NACC2: variants seen among roughly 807,000 people sequenced by gnomAD.
The protein encoded by NACC2 is nucleus accumbens-associated protein 2.
In NACC2, 8 loss-of-function variants were observed where a neutral mutation model predicts 25.1. The ratio of observed to expected loss-of-function variants is 0.32; its 90% CI spans 0.19 to 0.57. The LOEUF (loss-of-function observed/expected upper bound fraction) is 0.57. Among genes scored for constraint, NACC2 ranks in the 20% least tolerant of loss-of-function variants. NACC2 has a pLI of 0.89. For missense variants in NACC2, 644 were observed against 650.2 expected (o/e 0.99, Z 0.10); for synonymous variants, 435 against 294.7 (o/e 1.48, Z -4.88).
chr9:136,061,401 G>C (rs1229374464), intron 1 of NACC2, among the ~76,000 whole-genome samples: 1 of 152,146 alleles, frequency 6.6e-6, no homozygotes, highest in African/African-American at 2.4e-5. Flanking sequence ...TCCAGGCCCA[G>C]ATGCTGGAGG....
At chr9:136,044,116 C>T (rs1443456057) in intron 2 of NACC2, among the ~76,000 whole-genome samples, 13 of 152,098 alleles carry the variant, frequency 8.5e-5, no homozygotes, top group East Asian at 1.9e-4. Context: ...TGAGCCACCA[C>T]GCCTGGCCAA....
chr9:136,089,299 G>A (rs980354171), intron 1 of NACC2, among the ~76,000 whole-genome samples: 4 of 152,104 alleles, frequency 2.6e-5, no homozygotes, highest in African/African-American at 9.7e-5. Flanking sequence ...CACGGGCCAC[G>A]TCTTCCTGAG....
At chr9:136,060,333 C>G (rs1028537543) in intron 1 of NACC2, among the ~76,000 whole-genome samples, 3 of 152,218 alleles carry the variant, frequency 2.0e-5, no homozygotes, top group Non-Finnish European at 4.4e-5. Flanking sequence ...ACGGGGAGGC[C>G]CTGGAGCCGG....
At chr9:136,065,409 C>T (rs1841068224) in intron 1 of NACC2, among the ~76,000 whole-genome samples, 2 of 152,174 alleles carry the variant, frequency 1.3e-5, no homozygotes, top group African/African-American at 2.4e-5. Context: ...CACTTGAGGT[C>T]AGAAGTTCAA....
At chr9:136,057,698 C>T (rs1840945523) in intron 1 of NACC2, among the ~76,000 whole-genome samples, 1 of 152,304 alleles carries the variant, frequency 6.6e-6, no homozygotes, top group Non-Finnish European at 1.5e-5. Flanking sequence ...CCGGCTCGGC[C>T]GGGTGGAAGC....
intron 1 of NACC2, among the ~76,000 whole-genome samples, chr9:136,051,910 A>AGGAGAT (rs1461178311): frequency 1.9e-5 from 2 of 103,064 alleles, no homozygotes; most frequent in African/African-American, 7.7e-5. Flanking sequence ...GAGGAGGAGG[A>AGGAGAT]GATGGTGGAG....
chr9:136,046,950 G>A (rs968921785), intron 2 of NACC2, among the ~76,000 whole-genome samples: 4 of 152,174 alleles, frequency 2.6e-5, no homozygotes, highest in African/African-American at 9.7e-5. Context: ...TTCTTAACGC[G>A]AGAGAGGGTG....
intron 5 of NACC2, among the ~76,000 whole-genome samples, chr9:136,012,772 C>A (rs1840131850): frequency 6.6e-6 from 1 of 151,436 alleles, no homozygotes; most frequent in Non-Finnish European, 1.5e-5. Flanking sequence ...CAGTCAGCAT[C>A]TTCCACATCT....
intron 1 of NACC2, among the ~76,000 whole-genome samples, chr9:136,093,429 T>C (rs1355079340): frequency 6.6e-6 from 1 of 152,174 alleles, no homozygotes; most frequent in African/African-American, 2.4e-5. Flanking sequence ...TCTCGCAGCC[T>C]GTAGCAGCCC....
intron 1 of NACC2, among the ~76,000 whole-genome samples, chr9:136,058,163 G>A (rs941257470): frequency 2.0e-5 from 3 of 152,248 alleles, no homozygotes; most frequent in African/African-American, 7.2e-5. Flanking sequence ...TGGCAAGGGG[G>A]CTGCTGGCAC....
intron 2 of NACC2, among the ~76,000 whole-genome samples, chr9:136,028,908 C>G (rs1190602609): frequency 6.6e-6 from 1 of 152,234 alleles, no homozygotes; most frequent in Non-Finnish European, 1.5e-5. Flanking sequence ...TGCTGACATG[C>G]CAGGCCCCTG....
chr9:136,058,978 GC>G (rs374882109), intron 1 of NACC2, among the ~76,000 whole-genome samples: 1,904 of 152,342 alleles, frequency 0.012, 21 homozygotes, highest in Non-Finnish European at 0.019. Flanking sequence ...CGTGACTCTG[GC>G]CCCTGGGCCC....
chr9:136,089,957 T>C (rs1436831920), intron 1 of NACC2, among the ~76,000 whole-genome samples: 1 of 151,090 alleles, frequency 6.6e-6, no homozygotes, highest in African/African-American at 2.4e-5. Context: ...ATCTTTTTAA[T>C]CTTCTCTCAC....
chr9:136,062,721 C>A (rs1385611222), intron 1 of NACC2, among the ~76,000 whole-genome samples: 1 of 152,146 alleles, frequency 6.6e-6, no homozygotes, highest in Non-Finnish European at 1.5e-5. Context: ...TCAAGACTAG[C>A]CTGGGCAACA....
At position 136,019,280 on chromosome 9, in the gene NACC2, G is replaced by C. The variant is rs1282965047; in HGVS notation, c.887-2851C>G. 6.6e-6 allele frequency: 1 copy of C among 152,264 alleles called. No individual in the cohort carries two copies. Among genetic ancestry groups the C allele is most frequent in the African/African-American group, 2.4e-5 (1 of 41,472 alleles). The allele number at this position is 152,264 out of a possible 1,614,324, so 9.4% of individuals were successfully genotyped here. ...GACGGCTCATCCCTCGTGGCCCCCG[G>C]AAGGGCCATTCAGAGGCCCCGTGAG... On this transcript the variant is annotated intron_variant, in intron 2 of 5. Transcript: ENST00000277554. This position sits in a 1 kb window ranked among gnomAD's most constrained non-coding sequence, Gnocchi z 5.2.
Position 136,047,974 on chromosome 9 carries a change from T to C in NACC2, c.886+1662A>G, listed in dbSNP as rs1840754800. On this transcript the variant is annotated intron_variant, in intron 2 of 5. Transcript: ENST00000277554. ...GTCACATTGGAGCAGCAGGGGGCTG[T>C]GCAGGGAGGACCCTGGGAAGATGTT... Among the ~76,000 whole-genome samples the C allele has an allele frequency of 3.9e-5, 6 of 152,170 alleles. No individual in the cohort carries two copies. In the South Asian group the frequency reaches 1.2e-3, roughly 32 times the overall value.
intron 1 of NACC2, among the ~76,000 whole-genome samples, chr9:136,052,625 C>G (rs1341669967): frequency 1.3e-5 from 2 of 152,166 alleles, no homozygotes; most frequent in Admixed American, 6.5e-5. Flanking sequence ...GCCCCAGCAC[C>G]CCTCCCCATC....
At chr9:136,078,175 C>T (rs995837014) in intron 1 of NACC2, among the ~76,000 whole-genome samples, 1 of 152,208 alleles carries the variant, frequency 6.6e-6, no homozygotes, top group African/African-American at 2.4e-5. Flanking sequence ...CAGGCACCCA[C>T]TCAAACCCTC....
Position 136,091,823 on chromosome 9 carries a change from G to C in NACC2, c.-60+3366C>G, listed in dbSNP as rs544358549. ...CAAGAGCCAGGGCTGGTGAGAGCAA[G>C]GATTTGCTTAAAAAAAAAACCAACA... On this transcript the variant is annotated intron_variant, in intron 1 of 5. Coordinates refer to ENST00000277554, the MANE Select transcript of NACC2 (RefSeq NM_144653.5). Among the ~76,000 whole-genome samples the C allele has an allele frequency of 3.5e-5, 5 of 142,178 alleles. No homozygotes were observed. In the South Asian group the frequency reaches 9.2e-4, roughly 26 times the overall value. The allele number at this position is 142,178 out of a possible 152,430, so 93.3% of individuals were successfully genotyped here.
Sources: allele counts gnomAD v4.1 joint callset (sites outside exome capture counted in the v4.1 genomes callset), GRCh38; gene constraint gnomAD v4.1.1; non-coding constraint Gnocchi (gnomAD v3.1); transcripts MANE v1.5; gene names NCBI Gene and HGNC (gene_info 2026-07-23, HGNC 2026-07-21).